Variants in PCLO observed in about 807,000 individuals in gnomAD.
PCLO encodes piccolo presynaptic cytomatrix protein.
PCLO carries 82 observed loss-of-function variants against 427.5 expected under a neutral mutation model. The ratio of observed to expected loss-of-function variants is 0.19; its 90% CI spans 0.16 to 0.23. The LOEUF is 0.23. Ranked by LOEUF, PCLO falls within the 10% of genes least tolerant of loss-of-function variation. The pLI, the probability that PCLO is intolerant of heterozygous loss-of-function variation, is 1.00. For missense variants in PCLO, 6,239 were observed against 6,115.9 expected, an observed-to-expected ratio of 1.02 and a Z score of -0.67; for synonymous variants, 2,357 against 2,155.4, an observed-to-expected ratio of 1.09 and a Z score of -2.59.
At chr7:82,823,185 G>A (rs1791839515) in intron 19 of PCLO, among the ~76,000 whole-genome samples, 1 of 152,138 alleles carries the variant, frequency 6.6e-6, no homozygotes, top group Non-Finnish European at 1.5e-5. Context: ...CATGCAGTAT[G>A]TTAAGCAAGA....
At chr7:82,761,212 G>T in intron 23 of PCLO, 147 bp downstream of exon 23, 1 of 547,690 alleles carries the variant, frequency 1.8e-6, no homozygotes, top group Non-Finnish European at 3.2e-6. Flanking sequence ...AAAACTGAAA[G>T]AAAACAACTT....
intron 3 of PCLO, among the ~76,000 whole-genome samples, chr7:82,990,365 A>C (rs1159549106): frequency 6.6e-6 from 1 of 152,182 alleles, no homozygotes; most frequent in Non-Finnish European, 1.5e-5. Flanking sequence ...TGGATTTTTC[A>C]ATATTTATCT....
chr7:83,126,569 T>C (rs1470812888), intron 3 of PCLO, among the ~76,000 whole-genome samples: 4 of 151,896 alleles, frequency 2.6e-5, no homozygotes, highest in African/African-American at 9.7e-5. Context: ...AAATACTTGA[T>C]TGCATAAAAA....
chr7:82,814,562 T>C (rs1218242564), intron 20 of PCLO, among the ~76,000 whole-genome samples: 3 of 151,520 alleles, frequency 2.0e-5, no homozygotes, highest in Non-Finnish European at 1.5e-5. Context: ...AATATTTTAG[T>C]CTTATCTTAG....
At chr7:82,781,200 A>C (rs1790865113) in intron 22 of PCLO, among the ~76,000 whole-genome samples, 1 of 149,444 alleles carries the variant, frequency 6.7e-6, no homozygotes, top group African/African-American at 2.4e-5. Context: ...GTAAGGTAAA[A>C]AGATCATGTT....
intron 3 of PCLO, among the ~76,000 whole-genome samples, chr7:83,107,693 A>G (rs1279245920): frequency 6.7e-6 from 1 of 149,788 alleles, no homozygotes; most frequent in East Asian, 2.0e-4. Flanking sequence ...ACATATATAG[A>G]GAGAATATAA....
chr7:82,759,701 T>C (rs965979003), intron 24 of PCLO, among the ~76,000 whole-genome samples: 5 of 151,914 alleles, frequency 3.3e-5, no homozygotes, highest in Admixed American at 6.6e-5. Context: ...AATTCAAACC[T>C]TTAATTTCCT....
At position 82,953,808 on chromosome 7, in the gene PCLO, G is replaced by C. The variant is rs1238275243; in HGVS notation, c.7145C>G (p.Ser2382Cys). 2 of 1,606,362 alleles carry C rather than the reference G, an allele frequency of 1.2e-6. No individual in the cohort carries two copies. ...PASQLPSGSP[S>C]VSSLPAKPRP... ...AGGTTTAGCTGGAAGAGAGGAAACA[G>C]AAGGACTGCCAGATGGTAACTGAGA... The change falls in exon 5 of 25, where the codon TCT (serine) becomes TGT (cysteine). Residue 2382 changes from serine to cysteine, a missense_variant. Ser to Cys is a moderately radical substitution (Grantham distance 112). Transcript: ENST00000333891.
chr7:83,121,433 C>T (rs907980185), intron 3 of PCLO, among the ~76,000 whole-genome samples: 4 of 151,974 alleles, frequency 2.6e-5, no homozygotes, highest in East Asian at 1.9e-4. Context: ...GAAAAAATCA[C>T]TTTTACACCT....
chr7:82,824,832 C>T (rs1215485143), intron 18 of PCLO, among the ~76,000 whole-genome samples: 1 of 151,734 alleles, frequency 6.6e-6, no homozygotes, highest in Admixed American at 6.6e-5. Flanking sequence ...ACCTGTAGTC[C>T]CAGCTGTGTG....
chr7:83,160,506 T>G (rs1334858965), intron 1 of PCLO, among the ~76,000 whole-genome samples: 1 of 152,104 alleles, frequency 6.6e-6, no homozygotes, highest in African/African-American at 2.4e-5. Flanking sequence ...ATAGAAATCT[T>G]TCAGTAAAAT....
intron 10 of PCLO, among the ~76,000 whole-genome samples, chr7:82,879,005 A>G (rs1793437489): frequency 6.6e-6 from 1 of 152,156 alleles, no homozygotes; most frequent in Non-Finnish European, 1.5e-5. Flanking sequence ...TCTAATTTCA[A>G]TATAACTTTT....
At chr7:82,973,126 A>G (rs1001347183) in intron 3 of PCLO, among the ~76,000 whole-genome samples, 1 of 152,098 alleles carries the variant, frequency 6.6e-6, no homozygotes, top group African/African-American at 2.4e-5. Context: ...TCGATTGTTC[A>G]GACTACAAGA....
rs1787771120 is a variant in PCLO at position 82,999,862 on chromosome 7, T to C, written c.3301-33375A>G. 2.1e-5 allele frequency among the ~76,000 whole-genome samples: 2 copies of C among 94,922 alleles called. 1 individual carries two copies. Among genetic ancestry groups the C allele is most frequent in the Non-Finnish European group, 3.8e-5 (2 of 52,020 alleles). 62.3% of individuals were successfully genotyped at this position (94,922 alleles called of 152,430 possible). A position where few individuals can be genotyped will look rare whatever the true frequency, so the allele number is the denominator to read the frequency against. On this transcript the variant is annotated intron_variant, in intron 3 of 24. Coordinates refer to ENST00000333891, the MANE Select transcript of PCLO (RefSeq NM_033026.6). Reference sequence around the variant, plus strand: ...ATAAAATATAATATATAATATTATATAAAATATAATATATAATATTATATA... The same window carrying C: ...ATAAAATATAATATATAATATTATACAAAATATAATATATAATATTATATA...
At chr7:82,892,327 A>C (rs1474726865) in intron 9 of PCLO, among the ~76,000 whole-genome samples, 2 of 152,158 alleles carry the variant, frequency 1.3e-5, no homozygotes, top group Non-Finnish European at 2.9e-5. Flanking sequence ...GAAATGGGGA[A>C]AGGATTCCCT....
intron 9 of PCLO, among the ~76,000 whole-genome samples, chr7:82,887,229 A>G (rs1384296142): frequency 6.6e-6 from 1 of 152,226 alleles, no homozygotes; most frequent in East Asian, 1.9e-4. Flanking sequence ...GATGTCCAGC[A>G]TACAAAAAAG....
chr7:82,770,827 T>TA, intron 22 of PCLO, among the ~76,000 whole-genome samples: 1 of 151,994 alleles, frequency 6.6e-6, no homozygotes, highest in East Asian at 1.9e-4. Context: ...TCGATTTTTT[T>TA]AAAAAACAAT....
In PCLO at chr7:82,916,032, G is replaced by T. The variant is rs776167208; in HGVS notation, c.11954C>A (p.Pro3985His). ...TSNYEVIRNQ[P>H]LMIAPVSTDN... is the part of the protein sequence containing the mutation. The stretch of plus-strand genomic sequence containing the variant: ...CGTAGAAACAGGTGCTATCATAAGG[G>T]GTTGGTTGCGAATCACTTCATAGTT... Residue 3985 changes from proline to histidine, a missense_variant, in exon 7 of 25, where the codon CCC becomes CAC. Pro to His is a moderately conservative substitution (Grantham distance 77). Coordinates refer to ENST00000333891, the MANE Select transcript of PCLO (RefSeq NM_033026.6). 6.2e-7 allele frequency: 1 copy of T among 1,612,834 alleles called. No individual in the cohort carries two copies. Among genetic ancestry groups the T allele is most frequent in the Non-Finnish European group, 8.5e-7 (1 of 1,179,770 alleles).
intron 3 of PCLO, among the ~76,000 whole-genome samples, chr7:83,022,165 TCTC>T (rs1177348567): frequency 6.6e-6 from 1 of 151,976 alleles, no homozygotes; most frequent in African/African-American, 2.4e-5. Context: ...AGCTTGTTGG[TCTC>T]CTCCCCCATG....
Sources: allele counts gnomAD v4.1 joint callset (sites outside exome capture counted in the v4.1 genomes callset), GRCh38; gene constraint gnomAD v4.1.1; transcripts MANE v1.5; gene names NCBI Gene and HGNC (gene_info 2026-07-23, HGNC 2026-07-21).